ADARB1: variants seen among roughly 807,000 people sequenced by gnomAD.
The protein encoded by ADARB1 is double-stranded RNA-specific editase 1.
In ADARB1, 10 loss-of-function variants were observed where a neutral mutation model predicts 52.4. The observed-to-expected ratio is 0.19, with a 90% CI of 0.12 to 0.32. ADARB1 has a LOEUF of 0.32. Among genes scored for constraint, ADARB1 ranks in the 10% least tolerant of loss-of-function variants. The pLI is 1.00. For missense variants in ADARB1, 643 were observed against 922.3 expected (o/e 0.70, Z 3.92); for synonymous variants, 349 against 371.1 (o/e 0.94, Z 0.68).
intron 2 of ADARB1, among the ~76,000 whole-genome samples, chr21:45,133,065 G>A (rs940649160): frequency 3.9e-5 from 6 of 152,240 alleles, no homozygotes; most frequent in African/African-American, 1.4e-4. Context: ...GCTTCTGGGC[G>A]CAAAGCCCTG....
In ADARB1 at chr21:45,208,200, G is replaced by A. The variant is rs907694702; in HGVS notation, c.1747+3464G>A. Among the ~76,000 whole-genome samples the A allele has an allele frequency of 2.5e-4, 38 of 152,256 alleles. No individual in the cohort carries two copies. The highest frequency in any genetic ancestry group is 1.2e-4 in the Non-Finnish European group (8 of 68,026). ...CAGCTGGCCCAGTTTGTTGTCCAAC[G>A]CTCACTAAGATAAACCAAGAAGAAG... On this transcript the variant is annotated intron_variant, in intron 9 of 10. Transcript: ENST00000348831. This position sits in a 1 kb window ranked among gnomAD's most constrained non-coding sequence, Gnocchi z 5.6.
rs913327533 is a variant in ADARB1 at position 45,221,925 on chromosome 21, C to T, written c.1927-93C>T. ...GTTGCTTTCCCCCCAGAAGCCAATG[C>T]AGTTCTGAAGGCCATGTTTTGGTAT... On this transcript the variant is annotated intron_variant, in intron 10 of 10. Coordinates refer to ENST00000348831, the MANE Select transcript of ADARB1 (RefSeq NM_001112.4). This position sits in a 1 kb window ranked among gnomAD's most constrained non-coding sequence, Gnocchi z 4.9. 1.8e-5 allele frequency: 25 copies of T among 1,378,504 alleles called. No homozygotes were observed. Among genetic ancestry groups the T allele is most frequent in the East Asian group, 9.6e-5 (4 of 41,736 alleles). 85.4% of individuals were successfully genotyped at this position (1,378,504 alleles called of 1,614,324 possible). A position where few individuals can be genotyped will look rare whatever the true frequency, so the allele number is the denominator to read the frequency against.
At chr21:45,114,560 A>T (rs2087727229) in intron 1 of ADARB1, among the ~76,000 whole-genome samples, 2 of 152,346 alleles carry the variant, frequency 1.3e-5, no homozygotes, top group South Asian at 4.1e-4. Flanking sequence ...AACAAACATT[A>T]AAAAATATTC....
chr21:45,181,746 C>T (rs1431029156), intron 5 of ADARB1, among the ~76,000 whole-genome samples: 2 of 152,254 alleles, frequency 1.3e-5, no homozygotes, highest in East Asian at 3.8e-4. Flanking sequence ...CTTGGCACTC[C>T]AGACAGCTGG....
chr21:45,213,389 A>G (rs1259999018), intron 9 of ADARB1, among the ~76,000 whole-genome samples: 1 of 152,172 alleles, frequency 6.6e-6, no homozygotes, highest in Non-Finnish European at 1.5e-5. Flanking sequence ...TCTTTTCACA[A>G]CTTTATTGAG....
At chr21:45,174,657 C>T (rs1288786994) in intron 3 of ADARB1, among the ~76,000 whole-genome samples, 5 of 151,930 alleles carry the variant, frequency 3.3e-5, no homozygotes, top group Admixed American at 1.3e-4. Context: ...GAGCCGAGAT[C>T]GCGCCACTGC....
At chr21:45,152,693 C>T (rs1205955260) in intron 2 of ADARB1, 10 of 443,032 alleles carry the variant, frequency 2.3e-5, no homozygotes, top group East Asian at 1.5e-4. Flanking sequence ...GCGCAAGAAG[C>T]GCTCTGAGAG....
rs1349536395 is a variant in ADARB1, at chr21:45,222,763, A to G, written c.*566A>G. 1.0e-6 allele frequency: 1 copy of G among 985,668 alleles called. No homozygotes were observed. The highest frequency in any genetic ancestry group is 1.7e-5 in the African/African-American group (1 of 57,190). The allele number at this position is 985,668 out of a possible 1,614,324, so 61.1% of individuals were successfully genotyped here. ...ACTTAGGTCTCTTTTCTCCGTAGGT[A>G]CCTCCCTGGGTAGTTCCACACACTA... On this transcript the variant is annotated 3_prime_UTR_variant, in exon 11 of 11. Transcript: ENST00000348831.
rs2093049726 is a variant in ADARB1, at chr21:45,225,718, C to T, written c.*3521C>T. 3.5e-6 allele frequency: 2 copies of T among 573,068 alleles called. No individual in the cohort carries two copies. Among genetic ancestry groups the T allele is most frequent in the Admixed American group, 4.3e-5 (1 of 23,404 alleles). 35.5% of individuals were successfully genotyped at this position (573,068 alleles called of 1,614,324 possible). A position where few individuals can be genotyped will look rare whatever the true frequency, so the allele number is the denominator to read the frequency against. Reference sequence around the variant, plus strand: ...TTACCCCAGAAGCAGGTGGTCTGCCCCAGGCATAAAGAAGGAAAATTGGCC... The same window carrying T: ...TTACCCCAGAAGCAGGTGGTCTGCCTCAGGCATAAAGAAGGAAAATTGGCC... On this transcript the variant is annotated 3_prime_UTR_variant, in exon 11 of 11. Coordinates refer to ENST00000348831, the MANE Select transcript of ADARB1 (RefSeq NM_001112.4).
intron 3 of ADARB1, among the ~76,000 whole-genome samples, chr21:45,173,856 T>A (rs755853040): frequency 9.9e-5 from 15 of 152,016 alleles, no homozygotes; most frequent in Non-Finnish European, 1.8e-4. Context: ...GGTGTGTGTG[T>A]GAGGATTATT....
In ADARB1 at chr21:45,184,996, G is replaced by C; in HGVS notation, c.1470G>C (p.Thr490=). The change falls in exon 8 of 11, where the codon ACG becomes ACC. Residue 490 remains threonine, a synonymous_variant. Transcript: ENST00000348831. ...CCAAAATAGAGTCTGGTGAGGGGAC[G>C]ATTCCAGTGCGCTCCAATGCGAGCA... is the stretch of plus-strand genomic sequence containing the variant. The part of the protein sequence containing the change: ...LRTKIESGEG[T]IPVRSNASIQ... 3 of 1,614,180 alleles carry C rather than the reference G, an allele frequency of 1.9e-6. No homozygotes were observed. Among genetic ancestry groups the C allele is most frequent in the Non-Finnish European group, 2.5e-6 (3 of 1,180,014 alleles).
At chr21:45,167,567 A>G (rs564294933) in intron 2 of ADARB1, among the ~76,000 whole-genome samples, 3 of 152,186 alleles carry the variant, frequency 2.0e-5, no homozygotes, top group South Asian at 2.1e-4. Flanking sequence ...CCTGGCCAAC[A>G]TGGTGAAACC....
intron 1 of ADARB1, among the ~76,000 whole-genome samples, chr21:45,117,272 G>T (rs1321380907): frequency 1.3e-5 from 2 of 152,166 alleles, no homozygotes; most frequent in Non-Finnish European, 2.9e-5. Context: ...AGGACTCTCT[G>T]GCTTGTCCTT....
chr21:45,126,875 G>T (rs1286297134), intron 1 of ADARB1, among the ~76,000 whole-genome samples: 1 of 152,174 alleles, frequency 6.6e-6, no homozygotes, highest in Non-Finnish European at 1.5e-5. Flanking sequence ...TCCTGCAGAC[G>T]GCCCAGGGAG....
chr21:45,143,577 C>T (rs1160207930), intron 2 of ADARB1, among the ~76,000 whole-genome samples: 1 of 152,220 alleles, frequency 6.6e-6, no homozygotes, highest in Non-Finnish European at 1.5e-5. Context: ...TCTCTTGCCA[C>T]CATATGACTG....
rs1220980946 is a variant in ADARB1, at chr21:45,074,720, C to T, written c.-293C>T. The T allele has an allele frequency of 6.8e-6, 1 of 146,298 alleles. No homozygotes were observed. The highest frequency in any genetic ancestry group is 1.5e-5 in the Non-Finnish European group (1 of 65,664). The allele number at this position is 146,298 out of a possible 1,614,324, so 9.1% of individuals were successfully genotyped here. Reference sequence around the variant, plus strand: ...GCGCACAACCAACGAGGCAGAGCGCCGCCCGGCGCGAGACTGCGGCCGAAG... The same window carrying T: ...GCGCACAACCAACGAGGCAGAGCGCTGCCCGGCGCGAGACTGCGGCCGAAG... On this transcript the variant is annotated 5_prime_UTR_variant, in exon 1 of 11. Transcript: ENST00000348831.
At chr21:45,171,526 T>G in intron 2 of ADARB1, 84 bp from the exon 3 acceptor site, 1 of 849,120 alleles carries the variant, frequency 1.2e-6, no homozygotes. Flanking sequence ...TGTAATAATG[T>G]TGTAATTATT....
intron 1 of ADARB1, among the ~76,000 whole-genome samples, chr21:45,108,382 TTAAA>T (rs2087355148): frequency 6.6e-6 from 1 of 152,220 alleles, no homozygotes; most frequent in African/African-American, 2.4e-5. Flanking sequence ...AAATGGTGTA[TTAAA>T]TAAAGGTGAA....
Position 45,176,260 on chromosome 21 carries a change from G to A in ADARB1, c.559G>A (p.Glu187Lys). Residue 187 changes from glutamate to lysine, a missense_variant, in exon 4 of 11, where the codon GAG becomes AAG. Coordinates refer to ENST00000348831, the MANE Select transcript of ADARB1 (RefSeq NM_001112.4). The surrounding 1 kb of genome is among the most constrained non-coding windows in gnomAD (Gnocchi z 5.8). ...TGGTTTTGAAACTCCTGACAAGGCG[G>A]AGCCTCCCTTTTACGTGGGCTCCAA... ...FNGFETPDKA[E>K]PPFYVGSNGD... The A allele has an allele frequency of 1.2e-6, 2 of 1,614,190 alleles. No individual in the cohort carries two copies. Among genetic ancestry groups the A allele is most frequent in the Admixed American group, 1.7e-5 (1 of 60,024 alleles).
Sources: gnomAD v4.1 joint callset for allele counts (sites outside exome capture counted in the v4.1 genomes callset) on GRCh38, gnomAD v4.1.1 for gene constraint, Gnocchi (gnomAD v3.1) non-coding constraint, MANE v1.5 for transcripts, NCBI Gene and HGNC (gene_info 2026-07-23, HGNC 2026-07-21) for gene names.